Variants in FAM120A observed in about 807,000 individuals in gnomAD.
The protein encoded by FAM120A is constitutive coactivator of PPAR-gamma-like protein 1.
FAM120A carries 15 observed loss-of-function variants against 109.7 expected under a neutral mutation model. The ratio of observed to expected loss-of-function variants is 0.14; its 90% CI spans 0.09 to 0.21. The LOEUF (loss-of-function observed/expected upper bound fraction) is 0.21, where lower values mean the gene tolerates loss of function less well. Ranked by LOEUF, FAM120A falls within the 10% of genes least tolerant of loss-of-function variation. The probability of loss-of-function intolerance (pLI) is 1.00; values close to 1 mark genes in which losing one functional copy is unlikely to be tolerated. For missense variants in FAM120A, 899 were observed against 1,439.3 expected (o/e 0.62, Z 6.07); for synonymous variants, 493 against 572.8 (o/e 0.86, Z 1.99).
At chr9:93,503,841 A>G (rs1038646689) in intron 5 of FAM120A, among the ~76,000 whole-genome samples, 1 of 151,294 alleles carries the variant, frequency 6.6e-6, no homozygotes, top group Admixed American at 6.6e-5. Context: ...AAAAAAAAGT[A>G]TATATATATA....
chr9:93,501,370 C>A (rs1005718606), intron 5 of FAM120A, among the ~76,000 whole-genome samples: 2 of 152,282 alleles, frequency 1.3e-5, no homozygotes, highest in African/African-American at 4.8e-5. Context: ...TATGTTCTGT[C>A]AAGTGCTTTT....
In FAM120A at chr9:93,564,361, C is replaced by T. The variant is rs1564364368; in HGVS notation, c.3178C>T (p.Pro1060Ser). Residue 1060 changes from proline (P) to serine (S), a missense_variant, in exon 18 of 18, where the codon CCG becomes TCG. Physicochemically the swap from Pro to Ser is moderately conservative, Grantham distance 74. Coordinates refer to ENST00000277165, the MANE Select transcript of FAM120A (RefSeq NM_014612.5). ...AENGVMAEEK[P>S]APQMNGSTGD... ...AAACGGAGTGATGGCCGAGGAGAAG[C>T]CGGCTCCCCAGATGAACGGGAGCAC... 1 of 1,614,196 alleles carries T rather than the reference C, an allele frequency of 6.2e-7. No individual in the cohort carries two copies. The highest frequency in any genetic ancestry group is 8.5e-7 in the Non-Finnish European group (1 of 1,180,038).
intron 1 of FAM120A, among the ~76,000 whole-genome samples, chr9:93,459,378 A>G (rs954866600): frequency 6.6e-6 from 1 of 152,190 alleles, no homozygotes; most frequent in Non-Finnish European, 1.5e-5. Context: ...AATTATTTCA[A>G]AATCTGGATC....
intron 3 of FAM120A, among the ~76,000 whole-genome samples, chr9:93,489,684 CTTTA>C (rs775427424): frequency 4.3e-4 from 65 of 152,186 alleles, no homozygotes; most frequent in Non-Finnish European, 8.1e-4. Flanking sequence ...CCTTTCAAAT[CTTTA>C]TTTAGGCAAA....
chr9:93,492,164 TTGTGTG>T (rs543047932), intron 3 of FAM120A, among the ~76,000 whole-genome samples: 12 of 150,978 alleles, frequency 7.9e-5, no homozygotes, highest in African/African-American at 2.2e-4. Flanking sequence ...TTTATACAGG[TTGTGTG>T]TGTGTGTGTG....
intron 17 of FAM120A, among the ~76,000 whole-genome samples, chr9:93,563,809 T>C (rs1482867301): frequency 6.6e-6 from 1 of 152,226 alleles, no homozygotes; most frequent in Admixed American, 6.5e-5. Flanking sequence ...TGACTGTATT[T>C]CCCCAGTAGA....
intron 11 of FAM120A, 73 bp from the exon 12 acceptor site, chr9:93,550,504 C>A: frequency 1.9e-6 from 2 of 1,080,666 alleles, no homozygotes; most frequent in Non-Finnish European, 2.8e-6. Context: ...TACCTAGAAC[C>A]TCCCACTGGA....
Position 93,521,520 on chromosome 9 carries a change from T to A in FAM120A, c.1418+5251T>A, listed in dbSNP as rs542993445. On this transcript the variant is annotated intron_variant, in intron 7 of 17. Transcript: ENST00000277165. ...TCACTTGAGCCCAGGAGTTCAAGGCTGTAGTGAGCCATGATGGCACCACTG... is the reference window on the plus strand; with the variant it reads ...TCACTTGAGCCCAGGAGTTCAAGGCAGTAGTGAGCCATGATGGCACCACTG... Among the ~76,000 whole-genome samples the A allele has an allele frequency of 3.0e-4, 45 of 151,254 alleles. 1 individual carries two copies. The highest frequency in any genetic ancestry group is 6.8e-3 in the Middle Eastern group (2 of 294).
At chr9:93,457,534 G>A (rs959861270) in intron 1 of FAM120A, among the ~76,000 whole-genome samples, 1 of 151,892 alleles carries the variant, frequency 6.6e-6, no homozygotes, top group Non-Finnish European at 1.5e-5. Flanking sequence ...ATCCAACCCC[G>A]ACAGATGGTA....
rs75092215 is a variant in FAM120A at position 93,452,173 on chromosome 9, C to T, written c.258C>T (p.Phe86=). The T allele has an allele frequency of 3.7e-5, 60 of 1,612,054 alleles. No homozygotes were observed. In the African/African-American group the frequency reaches 6.4e-4, roughly 17 times the overall value. Residue 86 remains phenylalanine (F), a synonymous_variant, in exon 1 of 18, where the codon TTC becomes TTT. Coordinates refer to ENST00000277165, the MANE Select transcript of FAM120A (RefSeq NM_014612.5). This position sits in a 1 kb window ranked among gnomAD's most constrained non-coding sequence, Gnocchi z 7.0. The part of the protein sequence containing the change: ...GYLAALAKAC[F]GGNIELFVFF... ...TGGCGGCGCTGGCCAAGGCCTGCTT[C>T]GGCGGCAACATCGAGCTCTTCGTCT...
In FAM120A at chr9:93,471,210, T is replaced by C; in HGVS notation, c.544T>C (p.Leu182=). The change falls in exon 2 of 18, where the codon TTG becomes CTG. Residue 182 remains leucine, a synonymous_variant. Coordinates refer to ENST00000277165, the MANE Select transcript of FAM120A (RefSeq NM_014612.5). Reference sequence around the variant, plus strand: ...CTGCAGAGAGAATGGTTTCCATGGCTTGGTTGCGTATGACTCTGATTATGC... The same window carrying C: ...CTGCAGAGAGAATGGTTTCCATGGCCTGGTTGCGTATGACTCTGATTATGC... ...GFCRENGFHG[L]VAYDSDYALC... 6.2e-7 allele frequency: 1 copy of C among 1,614,212 alleles called. No homozygotes were observed. The highest frequency in any genetic ancestry group is 8.5e-7 in the Non-Finnish European group (1 of 1,180,038).
chr9:93,546,086 A>G (rs1019529369), intron 11 of FAM120A, among the ~76,000 whole-genome samples: 1 of 151,976 alleles, frequency 6.6e-6, no homozygotes, highest in Admixed American at 6.6e-5. Context: ...GCACCTGGCC[A>G]ATTCCTTCTT....
At chr9:93,540,387 A>G (rs1429652194) in intron 10 of FAM120A, among the ~76,000 whole-genome samples, 1 of 152,142 alleles carries the variant, frequency 6.6e-6, no homozygotes, top group Non-Finnish European at 1.5e-5. Context: ...CCTGAATTGG[A>G]CTTGCTGTTC....
In FAM120A at chr9:93,537,556, CAT is replaced by C. The variant is rs536652425; in HGVS notation, c.1909+5228_1909+5229del. 1.9e-3 allele frequency among the ~76,000 whole-genome samples: 289 copies of C among 152,068 alleles called. 1 individual carries two copies. Among genetic ancestry groups the C allele is most frequent in the African/African-American group, 6.7e-3 (276 of 41,476 alleles). On this transcript the variant is annotated intron_variant, in intron 10 of 17. Transcript: ENST00000277165. ...AGCAGACAGATAAAAATTATACACA[CAT>C]GAAATAAATATGTGGAATGAGGGAG...
chr9:93,454,207 T>C (rs1021306181), intron 1 of FAM120A, among the ~76,000 whole-genome samples: 3 of 152,236 alleles, frequency 2.0e-5, no homozygotes, highest in Non-Finnish European at 4.4e-5. Context: ...TAATTTTGTC[T>C]GTATTTTGCT....
At chr9:93,505,538 T>G (rs1023550419) in intron 5 of FAM120A, among the ~76,000 whole-genome samples, 1 of 152,250 alleles carries the variant, frequency 6.6e-6, no homozygotes, top group Non-Finnish European at 1.5e-5. Flanking sequence ...GTCAAATACA[T>G]GAATTTTTCC....
intron 15 of FAM120A, among the ~76,000 whole-genome samples, chr9:93,560,059 CAA>C (rs1403043044): frequency 6.6e-6 from 1 of 152,034 alleles, no homozygotes; most frequent in African/African-American, 2.4e-5. Context: ...TTTGGGAGGC[CAA>C]GGAGAGAGAA....
At chr9:93,503,102 A>G (rs890120283) in intron 5 of FAM120A, among the ~76,000 whole-genome samples, 2 of 152,210 alleles carry the variant, frequency 1.3e-5, no homozygotes, top group Non-Finnish European at 2.9e-5. Flanking sequence ...CATAGAAAAC[A>G]CCAACAACAC....
chr9:93,491,777 G>T (rs1479828144), intron 3 of FAM120A, among the ~76,000 whole-genome samples: 1 of 151,812 alleles, frequency 6.6e-6, no homozygotes, highest in Admixed American at 6.6e-5. Flanking sequence ...TGTACATATG[G>T]TTCTAGCTCT....
Sources: allele counts gnomAD v4.1 joint callset (sites outside exome capture counted in the v4.1 genomes callset), GRCh38; gene constraint gnomAD v4.1.1; non-coding constraint Gnocchi (gnomAD v3.1); transcripts MANE v1.5; gene names NCBI Gene and HGNC (gene_info 2026-07-23, HGNC 2026-07-21).